WASHC5: variants seen among roughly 807,000 people sequenced by gnomAD.
The protein encoded by WASHC5 is WASH complex subunit strumpellin.
WASHC5 carries 101 observed loss-of-function variants against 150.4 expected under a neutral mutation model. That is an observed-to-expected ratio of 0.67 (90% CI 0.57 to 0.79). The LOEUF (loss-of-function observed/expected upper bound fraction) is 0.79. WASHC5 is among the 30% of genes least tolerant of loss of function. WASHC5 has a pLI of 0.00. For synonymous variants in WASHC5, 467 were observed against 491.2 expected, an observed-to-expected ratio of 0.95 and a Z score of 0.65; for missense variants, 1,195 against 1,396.3, an observed-to-expected ratio of 0.86 and a Z score of 2.30.
intron 19 of WASHC5, among the ~76,000 whole-genome samples, chr8:125,048,048 A>G (rs1461955926): frequency 1.3e-5 from 2 of 152,206 alleles, no homozygotes; most frequent in Non-Finnish European, 2.9e-5. Context: ...CTAAAACTGC[A>G]TTAATAATAG....
At chr8:125,072,135 G>GT (rs1166518770) in intron 9 of WASHC5, among the ~76,000 whole-genome samples, 1 of 151,920 alleles carries the variant, frequency 6.6e-6, no homozygotes, top group Non-Finnish European at 1.5e-5. Context: ...GGGCTCAGGA[G>GT]TTTGAGACCA....
intron 4 of WASHC5, 107 bp from the exon 5 acceptor site, chr8:125,081,868 T>A (rs917870693): frequency 1.2e-5 from 9 of 752,758 alleles, no homozygotes; most frequent in African/African-American, 1.0e-4. Flanking sequence ...CTTCAAAAAG[T>A]TTTAGATTTC....
intron 28 of WASHC5, 112 bp from the exon 29 acceptor site, chr8:125,024,785 A>G: frequency 2.6e-6 from 2 of 755,824 alleles, no homozygotes; most frequent in Non-Finnish European, 4.7e-6. Flanking sequence ...AGAAGAGGAG[A>G]CTCCCATGGG....
Position 125,038,929 on chromosome 8 carries a change from A to G in WASHC5, c.2985T>C (p.Tyr995=), listed in dbSNP as rs763045985. The G allele has an allele frequency of 2.0e-5, 32 of 1,613,912 alleles. No homozygotes were observed. Among genetic ancestry groups the G allele is most frequent in the Non-Finnish European group, 2.7e-5 (32 of 1,179,874 alleles). Reference sequence around the variant, plus strand: ...TGGGGTAAGGAAGTGAAGGGTCCTGATAGTGGGCTTCAATGTCTGCTAGGA... The same window carrying G: ...TGGGGTAAGGAAGTGAAGGGTCCTGGTAGTGGGCTTCAATGTCTGCTAGGA... The part of the protein sequence containing the change: ...KALLADIEAH[Y]QDPSLPYPKE... The change falls in exon 25 of 29, where the codon TAT becomes TAC. Residue 995 remains tyrosine, a synonymous_variant. Coordinates refer to ENST00000318410, the MANE Select transcript of WASHC5 (RefSeq NM_014846.4).
intron 5 of WASHC5, among the ~76,000 whole-genome samples, 186 bp from the exon 6 acceptor site, chr8:125,079,116 G>GTGTATATATATATATATATATA (rs370503575): frequency 1.0e-5 from 1 of 97,908 alleles, no homozygotes; most frequent in Non-Finnish European, 1.8e-5. Flanking sequence ...GTGTGTGTGT[G>GTGTATATATATATATATATATA]TATATATATA....
chr8:125,052,487 T>C (rs1466092271), intron 17 of WASHC5, among the ~76,000 whole-genome samples: 1 of 123,058 alleles, frequency 8.1e-6, no homozygotes, highest in Non-Finnish European at 1.5e-5. Context: ...CTTACACATA[T>C]ATTTAATTTC....
At chr8:125,047,943 C>T (rs1472209828) in intron 19 of WASHC5, among the ~76,000 whole-genome samples, 1 of 152,156 alleles carries the variant, frequency 6.6e-6, no homozygotes, top group African/African-American at 2.4e-5. Flanking sequence ...ACCTCCTGGG[C>T]TCAAGCAATC....
Position 125,083,921 on chromosome 8 carries a change from G to A in WASHC5, c.-23C>T. The stretch of plus-strand genomic sequence containing the variant: ...CATTGTGAGGCGGACCGACTACTCT[G>A]TGCCTGGACACTGGGGATGATTAAC... On this transcript the variant is annotated 5_prime_UTR_variant, in exon 2 of 29. Transcript: ENST00000318410. 6.2e-7 allele frequency: 1 copy of A among 1,609,886 alleles called. No homozygotes were observed. Among genetic ancestry groups the A allele is most frequent in the Non-Finnish European group, 8.5e-7 (1 of 1,177,402 alleles).
intron 14 of WASHC5, among the ~76,000 whole-genome samples, chr8:125,058,135 G>T (rs576970997): frequency 6.6e-6 from 1 of 151,244 alleles, no homozygotes; most frequent in African/African-American, 2.4e-5. Flanking sequence ...GCCGTCAAGT[G>T]TAAGAAGTGC....
chr8:125,073,807 C>T (rs1279923795), intron 8 of WASHC5, among the ~76,000 whole-genome samples: 1 of 152,216 alleles, frequency 6.6e-6, no homozygotes, highest in African/African-American at 2.4e-5. Context: ...TGACTTGGGG[C>T]TTAACCCCTG....
At chr8:125,038,174 A>C (rs536655570) in intron 25 of WASHC5, among the ~76,000 whole-genome samples, 2 of 152,382 alleles carry the variant, frequency 1.3e-5, no homozygotes, top group East Asian at 1.9e-4. Context: ...TATCCAAAAC[A>C]CAAGGGATAA....
chr8:125,057,536 C>A lies in WASHC5; in HGVS notation c.1875+20G>T. On this transcript the variant is annotated intron_variant, in intron 15 of 28. Coordinates refer to ENST00000318410, the MANE Select transcript of WASHC5 (RefSeq NM_014846.4). ...GCAGTTATCTGGCAAGAGTAAATAT[C>A]ACCCTGATGCATTTCTTACTTTTCT... 1 of 1,460,292 alleles carries A rather than the reference C, an allele frequency of 6.8e-7. No individual in the cohort carries two copies. The highest frequency in any genetic ancestry group is 1.7e-5 in the Admixed American group (1 of 58,928). 90.5% of individuals were successfully genotyped at this position (1,460,292 alleles called of 1,614,324 possible).
chr8:125,039,747 A>G (rs1293326351), intron 24 of WASHC5, 48 bp downstream of exon 24: 3 of 1,291,208 alleles, frequency 2.3e-6, no homozygotes, highest in African/African-American at 2.9e-5. Flanking sequence ...TGCGTAGATA[A>G]TAAACAATCC....
chr8:125,037,170 A>C lies in WASHC5; in HGVS notation c.3181+67T>G, dbSNP rs991028843. ...TCCGACATAGGCATTCTATACAAAA[A>C]GCTATTTAGTTAAATGTTAATCTGT... is the stretch of plus-strand genomic sequence containing the variant. On this transcript the variant is annotated intron_variant, in intron 26 of 28. Transcript: ENST00000318410. 12 of 912,774 alleles carry C rather than the reference A, an allele frequency of 1.3e-5. No homozygotes were observed. In the Admixed American group the frequency reaches 2.0e-4, roughly 16 times the overall value. 56.5% of individuals were successfully genotyped at this position (912,774 alleles called of 1,614,324 possible). A position where few individuals can be genotyped will look rare whatever the true frequency, so the allele number is the denominator to read the frequency against.
In WASHC5 at chr8:125,039,915, G is replaced by A; in HGVS notation, c.2851-17C>T. 6.5e-7 allele frequency: 1 copy of A among 1,548,618 alleles called. No individual in the cohort carries two copies. The highest frequency in any genetic ancestry group is 8.9e-7 in the Non-Finnish European group (1 of 1,121,946). On this transcript the variant is annotated splice_polypyrimidine_tract_variant and intron_variant, in intron 23 of 28. Coordinates refer to ENST00000318410, the MANE Select transcript of WASHC5 (RefSeq NM_014846.4). ...CTGCCCAACCTGTGCACAAGCAAGA[G>A]AAAGAACAGGTAGTGCATTCAAGCA...
In WASHC5 at chr8:125,032,410, T is replaced by C. The variant is rs759907949; in HGVS notation, c.3182-16A>G. ...CAGACCATTCCTGCAAGGGAACAAG[T>C]TGCAACACCATATGAAGTACTTGCC... On this transcript the variant is annotated splice_polypyrimidine_tract_variant and intron_variant, in intron 26 of 28. Coordinates refer to ENST00000318410, the MANE Select transcript of WASHC5 (RefSeq NM_014846.4). The C allele has an allele frequency of 1.4e-5, 22 of 1,613,374 alleles. No individual in the cohort carries two copies. The highest frequency in any genetic ancestry group is 8.3e-5 in the Admixed American group (5 of 59,992).
At chr8:125,084,785 T>C (rs1006206479) in intron 1 of WASHC5, among the ~76,000 whole-genome samples, 1 of 152,218 alleles carries the variant, frequency 6.6e-6, no homozygotes, top group African/African-American at 2.4e-5. Context: ...GATATGAAGA[T>C]GTTTAAACAT....
intron 17 of WASHC5, among the ~76,000 whole-genome samples, chr8:125,051,873 ACT>A (rs1816250749): frequency 6.6e-6 from 1 of 152,032 alleles, no homozygotes; most frequent in Admixed American, 6.6e-5. Context: ...CAAGAGTGAA[ACT>A]CTGTCTCAAA....
At chr8:125,059,115 T>C in intron 14 of WASHC5, 107 bp downstream of exon 14, 2 of 816,390 alleles carry the variant, frequency 2.4e-6, no homozygotes, top group Non-Finnish European at 4.2e-6. Context: ...ATATTGAAAT[T>C]ATTTACCTTC....
Sources: gnomAD v4.1 joint callset for allele counts (sites outside exome capture counted in the v4.1 genomes callset) on GRCh38, gnomAD v4.1.1 for gene constraint, MANE v1.5 for transcripts, NCBI Gene and HGNC (gene_info 2026-07-23, HGNC 2026-07-21) for gene names.